The following FAM53B variants were observed in gnomAD, a reference collection of about 807,000 sequenced individuals.
FAM53B encodes family with sequence similarity 53 member B.
A neutral mutation model predicts 32.7 loss-of-function variants in FAM53B; 12 were observed. That is an observed-to-expected ratio of 0.37 (90% CI 0.24 to 0.59). The LOEUF (loss-of-function observed/expected upper bound fraction) is 0.59. FAM53B is among the 20% of genes least tolerant of loss of function. The pLI, the probability that FAM53B is intolerant of heterozygous loss-of-function variation, is 0.72. For missense variants in FAM53B, 477 were observed against 577.7 expected (o/e 0.83, Z 1.79); for synonymous variants, 234 against 228.7 (o/e 1.02, Z -0.21).
chr10:124,677,131 A>G (rs1314295905), intron 4 of FAM53B, among the ~76,000 whole-genome samples: 2 of 152,146 alleles, frequency 1.3e-5, no homozygotes, highest in African/African-American at 4.8e-5. Flanking sequence ...GAACTTTTTA[A>G]TTGTTGCTTT....
chr10:124,731,605 C>T (rs574744968), intron 1 of FAM53B, among the ~76,000 whole-genome samples: 8 of 149,928 alleles, frequency 5.3e-5, no homozygotes, highest in African/African-American at 1.7e-4. Flanking sequence ...GAATCTAAGA[C>T]GTTGAGCTCT....
intron 1 of FAM53B, among the ~76,000 whole-genome samples, chr10:124,723,838 C>T (rs186784471): frequency 3.3e-5 from 5 of 152,272 alleles, no homozygotes; most frequent in South Asian, 2.1e-4. Context: ...ACACATGTGA[C>T]GCTGCGCTCC....
Position 124,717,466 on chromosome 10 carries a change from T to C in FAM53B, c.-174-10579A>G, listed in dbSNP as rs200228093. 2.0e-5 allele frequency among the ~76,000 whole-genome samples: 3 copies of C among 152,256 alleles called. No homozygotes were observed. The East Asian group carries it at 5.8e-4, about 29-fold the overall frequency. On this transcript the variant is annotated intron_variant, in intron 1 of 4. Coordinates refer to ENST00000337318, the MANE Select transcript of FAM53B (RefSeq NM_014661.4). ...ACTGCTATGCTGGCCTTTCCAGTCC[T>C]ACTCAGACCTGACCTGCAGTTCAAG...
intron 4 of FAM53B, among the ~76,000 whole-genome samples, chr10:124,677,800 G>A (rs1468169905): frequency 3.3e-5 from 5 of 152,242 alleles, no homozygotes; most frequent in African/African-American, 9.6e-5. Flanking sequence ...CCCCAGGGAC[G>A]TGGCTAGGAA....
chr10:124,657,150 G>GTA (rs1454883221), intron 4 of FAM53B, among the ~76,000 whole-genome samples: 41 of 134,508 alleles, frequency 3.0e-4, no homozygotes, highest in Non-Finnish European at 4.7e-4. Flanking sequence ...ATATATATGT[G>GTA]TATATATGTG....
chr10:124,637,405 G>A (rs560488860), intron 4 of FAM53B, among the ~76,000 whole-genome samples: 34 of 152,230 alleles, frequency 2.2e-4, no homozygotes, highest in African/African-American at 7.2e-4. Context: ...GAGGGTCTTC[G>A]GCTTGAGCCC....
chr10:124,676,294 G>A (rs968542693), intron 4 of FAM53B, among the ~76,000 whole-genome samples: 2 of 152,196 alleles, frequency 1.3e-5, no homozygotes, highest in Admixed American at 6.5e-5. Context: ...TGTGTTATAA[G>A]GGGTGCTCCA....
At chr10:124,669,504 G>A (rs10794175) in intron 4 of FAM53B, among the ~76,000 whole-genome samples, 1 of 152,034 alleles carries the variant, frequency 6.6e-6, no homozygotes, top group Non-Finnish European at 1.5e-5. Context: ...GATCCATCAG[G>A]TGATGGGCCC....
chr10:124,690,825 A>G (rs891813517), intron 3 of FAM53B, among the ~76,000 whole-genome samples: 9 of 152,216 alleles, frequency 5.9e-5, no homozygotes, highest in Non-Finnish European at 1.0e-4. Context: ...ATATGGATGT[A>G]ATTTTTTTTC....
At chr10:124,736,943 G>A (rs1237941075) in intron 1 of FAM53B, among the ~76,000 whole-genome samples, 2 of 152,250 alleles carry the variant, frequency 1.3e-5, no homozygotes, top group African/African-American at 4.8e-5. Context: ...GTGAGCACTG[G>A]ATGGAAAAGC....
In FAM53B at chr10:124,623,323, G is replaced by T; in HGVS notation, c.1188C>A (p.Ala396=). The change falls in exon 5 of 5, where the codon GCC becomes GCA. Residue 396 remains alanine (A), a synonymous_variant. Transcript: ENST00000337318. ...DCGRRAEPAA[A]WRDRGAPGNS... The stretch of plus-strand genomic sequence containing the variant: ...TCCCAGGGGCCCCGCGGTCCCGCCA[G>T]GCTGCAGCCGGCTCCGCTCTCCTGC... 6.2e-7 allele frequency: 1 copy of T among 1,612,496 alleles called. No individual in the cohort carries two copies. The highest frequency in any genetic ancestry group is 2.2e-5 in the East Asian group (1 of 44,878).
At chr10:124,694,544 CA>C (rs1266874569) in intron 3 of FAM53B, among the ~76,000 whole-genome samples, 1 of 152,372 alleles carries the variant, frequency 6.6e-6, no homozygotes, top group Admixed American at 6.5e-5. Flanking sequence ...AACATCTCCA[CA>C]ACCCAGTTTA....
chr10:124,667,221 CAT>C (rs1949678101), intron 4 of FAM53B: 5 of 562,260 alleles, frequency 8.9e-6, no homozygotes, highest in Admixed American at 3.4e-5. Context: ...ACATCGATGA[CAT>C]GTGGAAATGA....
intron 1 of FAM53B, among the ~76,000 whole-genome samples, chr10:124,731,721 G>A (rs1004089860): frequency 5.3e-5 from 8 of 151,968 alleles, no homozygotes; most frequent in Non-Finnish European, 1.0e-4. Flanking sequence ...TCTAGCGTGC[G>A]GGATTCCAGT....
intron 4 of FAM53B, 100 bp from the exon 5 acceptor site, chr10:124,623,704 A>G: frequency 7.3e-7 from 1 of 1,364,438 alleles, no homozygotes; most frequent in South Asian, 1.5e-5. Flanking sequence ...GGCTGTGGCA[A>G]GACCAATCAA....
At chr10:124,741,184 T>C (rs1487875948) in intron 1 of FAM53B, among the ~76,000 whole-genome samples, 1 of 152,176 alleles carries the variant, frequency 6.6e-6, no homozygotes, top group Non-Finnish European at 1.5e-5. Context: ...CATAACAAAT[T>C]ATGCCTGCAG....
rs1564871215 is a variant in FAM53B, at chr10:124,662,765, A to C, written c.906+18842T>G. On this transcript the variant is annotated intron_variant, in intron 4 of 4. Transcript: ENST00000337318. The stretch of plus-strand genomic sequence containing the variant: ...CTTGAGCCCAGGAGTTCAAGGTTAT[A>C]GTTAGCTACGATCACACCACAGTAC... 1.3e-5 allele frequency among the ~76,000 whole-genome samples: 2 copies of C among 152,340 alleles called. 1 individual carries two copies. Among genetic ancestry groups the C allele is most frequent in the South Asian group, 4.1e-4 (2 of 4,826 alleles).
intron 3 of FAM53B, among the ~76,000 whole-genome samples, chr10:124,687,519 A>G (rs141662318): frequency 6.6e-6 from 1 of 152,204 alleles, no homozygotes; most frequent in African/African-American, 2.4e-5. Context: ...CAGTCATCAT[A>G]AGGATAATTA....
Position 124,620,032 on chromosome 10 carries a change from G to A in FAM53B, c.*3210C>T, listed in dbSNP as rs966123274. On this transcript the variant is annotated 3_prime_UTR_variant, in exon 5 of 5. Coordinates refer to ENST00000337318, the MANE Select transcript of FAM53B (RefSeq NM_014661.4). ...GAGACCCATTTGGAAGTTAGTTAGGGTTTGTTTTGTTTTCTTTTTAATGTG... is the reference window on the plus strand; with the variant it reads ...GAGACCCATTTGGAAGTTAGTTAGGATTTGTTTTGTTTTCTTTTTAATGTG... 5 of 152,478 alleles carry A rather than the reference G, an allele frequency of 3.3e-5. No homozygotes were observed. Among genetic ancestry groups the A allele is most frequent in the African/African-American group, 1.2e-4 (5 of 41,566 alleles). The allele number at this position is 152,478 out of a possible 1,614,324, so 9.4% of individuals were successfully genotyped here. A position where few individuals can be genotyped will look rare whatever the true frequency, so the allele number is the denominator to read the frequency against.
Sources: allele counts gnomAD v4.1 joint callset (sites outside exome capture counted in the v4.1 genomes callset), GRCh38; gene constraint gnomAD v4.1.1; transcripts MANE v1.5; gene names NCBI Gene and HGNC (gene_info 2026-07-23, HGNC 2026-07-21).